Variants in TMEM63A observed in about 807,000 individuals in gnomAD.
TMEM63A encodes the protein mechanosensitive cation channel TMEM63A.
Under a neutral mutation model 100.6 loss-of-function variants are expected in TMEM63A, and 76 were observed. The ratio of observed to expected loss-of-function variants is 0.76; its 90% CI spans 0.63 to 0.91. TMEM63A has a LOEUF of 0.91. Among genes scored for constraint, TMEM63A ranks in the 40% least tolerant of loss-of-function variants. The pLI, the probability that TMEM63A is intolerant of heterozygous loss-of-function variation, is 0.00. For missense variants in TMEM63A, 876 were observed against 1,008.8 expected, an observed-to-expected ratio of 0.87 and a Z score of 1.78; for synonymous variants, 401 against 401.1, an observed-to-expected ratio of 1.00 and a Z score of 0.00.
chr1:225,847,264 C>T (rs1432001348), intron 23 of TMEM63A, 51 bp from the exon 24 acceptor site: 5 of 1,582,624 alleles, frequency 3.2e-6, no homozygotes, highest in African/African-American at 2.7e-5. Context: ...AGCTTCCACA[C>T]TGCATCCCTC....
intron 4 of TMEM63A, 88 bp downstream of exon 4, chr1:225,874,200 G>T: frequency 7.8e-7 from 1 of 1,283,754 alleles, no homozygotes; most frequent in Non-Finnish European, 1.1e-6. Context: ...ACACATATAT[G>T]CACACACGCA....
At chr1:225,856,212 G>A (rs1486219049) in intron 17 of TMEM63A, among the ~76,000 whole-genome samples, 7 of 151,548 alleles carry the variant, frequency 4.6e-5, no homozygotes, top group African/African-American at 1.5e-4. Flanking sequence ...ATGGGGTTTC[G>A]CCAGACTGCC....
chr1:225,854,935 G>C (rs1258060804), intron 18 of TMEM63A, among the ~76,000 whole-genome samples: 1 of 152,172 alleles, frequency 6.6e-6, no homozygotes, highest in African/African-American at 2.4e-5. Flanking sequence ...GAGGAGGAAG[G>C]CTCGGATAAA....
At chr1:225,869,425 A>G (rs1377131988) in intron 6 of TMEM63A, among the ~76,000 whole-genome samples, 1 of 152,176 alleles carries the variant, frequency 6.6e-6, no homozygotes, top group Non-Finnish European at 1.5e-5. Flanking sequence ...ACTGTCTCCC[A>G]TGGGGCTCTG....
At chr1:225,858,793 G>A (rs1182717979) in intron 15 of TMEM63A, among the ~76,000 whole-genome samples, 1 of 152,044 alleles carries the variant, frequency 6.6e-6, no homozygotes, top group Non-Finnish European at 1.5e-5. Context: ...CAGGAGCCCT[G>A]CATGGGTGCC....
Position 225,867,749 on chromosome 1 carries a change from G to T in TMEM63A, c.514+139C>A. The T allele has an allele frequency of 2.5e-6, 3 of 1,201,558 alleles. No homozygotes were observed. Among genetic ancestry groups the T allele is most frequent in the Non-Finnish European group, 3.4e-6 (3 of 876,510 alleles). 74.4% of individuals were successfully genotyped at this position (1,201,558 alleles called of 1,614,324 possible). ...TCCAGATCTTTAATCAGATAGAAAT[G>T]TTCAGAGTCACCCTGAGACCATCTT... On this transcript the variant is annotated intron_variant, in intron 7 of 24. Transcript: ENST00000366835. This position sits in a 1 kb window ranked among gnomAD's most constrained non-coding sequence, Gnocchi z 4.6.
Position 225,859,232 on chromosome 1 carries a change from G to A in TMEM63A, c.1341C>T (p.Asp447=). 6.2e-7 allele frequency: 1 copy of A among 1,614,086 alleles called. No homozygotes were observed. The highest frequency in any genetic ancestry group is 8.5e-7 in the Non-Finnish European group (1 of 1,180,020). ...GGATGGGTTTGGTGACATTAAACTTGTCCATGGTGGACAGGATGATGGAGG... is the reference window on the plus strand; with the variant it reads ...GGATGGGTTTGGTGACATTAAACTTATCCATGGTGGACAGGATGATGGAGG... ...TTPSIILSTM[D]KFNVTKPIHA... Residue 447 remains aspartate (D), a synonymous_variant, in exon 15 of 25, where the codon GAC becomes GAT. Coordinates refer to ENST00000366835, the MANE Select transcript of TMEM63A (RefSeq NM_014698.3).
chr1:225,847,124 G>A lies in TMEM63A; in HGVS notation c.2340C>T (p.Ile780=). The change falls in exon 24 of 25, where the codon ATC becomes ATT. Residue 780 remains isoleucine, a synonymous_variant. Coordinates refer to ENST00000366835, the MANE Select transcript of TMEM63A (RefSeq NM_014698.3). ...CAGGGATAGTCCCGCTGATGTTGTG[G>A]ATGGCACCATAGGTCTGCTGCTGCT... is the stretch of plus-strand genomic sequence containing the variant. ...QQQQQQTYGA[I]HNISGTIPGQ... The A allele has an allele frequency of 1.9e-6, 3 of 1,613,756 alleles. No homozygotes were observed. Among genetic ancestry groups the A allele is most frequent in the Non-Finnish European group, 2.5e-6 (3 of 1,179,954 alleles).
chr1:225,863,542 C>G (rs776630681), intron 10 of TMEM63A, among the ~76,000 whole-genome samples: 1 of 152,146 alleles, frequency 6.6e-6, no homozygotes, highest in Non-Finnish European at 1.5e-5. Context: ...ATTCAGGTAG[C>G]CTTTTTTAAG....
intron 16 of TMEM63A, 69 bp from the exon 17 acceptor site, chr1:225,856,807 C>T: frequency 6.3e-7 from 1 of 1,585,122 alleles, no homozygotes; most frequent in Non-Finnish European, 8.6e-7. Context: ...GAGGCCCCTG[C>T]CATGTGCCCA....
downstream of TMEM63A, among the ~76,000 whole-genome samples, chr1:225,842,815 C>T (rs1214178717): frequency 1.3e-5 from 2 of 152,224 alleles, no homozygotes; most frequent in Non-Finnish European, 2.9e-5. Flanking sequence ...TCCTGATTCC[C>T]TGGAGAGCCT....
intron 15 of TMEM63A, among the ~76,000 whole-genome samples, chr1:225,858,359 CTT>C (rs1457434691): frequency 8.1e-6 from 1 of 123,400 alleles, no homozygotes; most frequent in Non-Finnish European, 1.6e-5. Context: ...GAGTTTCGCT[CTT>C]GTCGCCCAGG....
Position 225,874,375 on chromosome 1 carries a change from CAG to C in TMEM63A, c.187-10_187-9del, listed in dbSNP as rs1338917471. The stretch of plus-strand genomic sequence containing the variant: ...AAACACCAAGATTAAGAACTAAAAA[CAG>C]AAAAGAAACCAAGTAAAAGCATATT... On this transcript the variant is annotated splice_polypyrimidine_tract_variant and intron_variant, in intron 3 of 24. Transcript: ENST00000366835. The C allele has an allele frequency of 6.2e-7, 1 of 1,611,498 alleles. No homozygotes were observed. The highest frequency in any genetic ancestry group is 8.5e-7 in the Non-Finnish European group (1 of 1,179,200).
At chr1:225,854,868 C>T (rs1466232683) in intron 18 of TMEM63A, among the ~76,000 whole-genome samples, 3 of 152,114 alleles carry the variant, frequency 2.0e-5, no homozygotes, top group African/African-American at 7.2e-5. Context: ...GGGAGAGAAC[C>T]CACCAAGGAG....
rs112844127 is a variant in TMEM63A, at chr1:225,881,942, C to G, written c.-206+362G>C. 9.9e-4 allele frequency among the ~76,000 whole-genome samples: 150 copies of G among 152,284 alleles called. 2 individuals are homozygous for G. Among genetic ancestry groups the G allele is most frequent in the African/African-American group, 3.4e-3 (141 of 41,552 alleles). ...TCGGACGCTTGGCCCTTTCCCAGCC[C>G]GGCCTCGTATAGGGTCCGAGGAGCC... On this transcript the variant is annotated intron_variant, in intron 1 of 24. Coordinates refer to ENST00000366835, the MANE Select transcript of TMEM63A (RefSeq NM_014698.3).
At chr1:225,842,455 G>A (rs779119688), downstream of TMEM63A, 15 of 1,613,512 alleles carry the variant, frequency 9.3e-6, no homozygotes, top group East Asian at 3.3e-4. Flanking sequence ...CCGATACCTG[G>A]AGGATGGAGG....
At chr1:225,881,167 C>A (rs1671068046) in intron 1 of TMEM63A, among the ~76,000 whole-genome samples, 1 of 152,238 alleles carries the variant, frequency 6.6e-6, no homozygotes, top group Non-Finnish European at 1.5e-5. Context: ...AATGACACAG[C>A]CCCTGGCTGA....
At chr1:225,847,681 A>G (rs1160620823) in intron 23 of TMEM63A, among the ~76,000 whole-genome samples, 6 of 151,994 alleles carry the variant, frequency 3.9e-5, no homozygotes, top group African/African-American at 1.5e-4. Context: ...TCCTCCTGAG[A>G]CCCTGGCTGT....
rs1443972019 is a variant in TMEM63A at position 225,851,167 on chromosome 1, C to CT, written c.1904-1089dup. Among the ~76,000 whole-genome samples, 3 of 152,104 alleles carry CT rather than the reference C, an allele frequency of 2.0e-5. No individual in the cohort carries two copies. In the East Asian group the frequency reaches 5.8e-4, roughly 29 times the overall value. ...ACAGTTGGATGCCTGGCCTCAATTCCTCCCCAGCCCTTCCCATGCTGAGCC... is the reference window on the plus strand; with the variant it reads ...ACAGTTGGATGCCTGGCCTCAATTCCTTCCCCAGCCCTTCCCATGCTGAGCC... On this transcript the variant is annotated intron_variant, in intron 20 of 24. Transcript: ENST00000366835.
Sources: gnomAD v4.1 joint callset for allele counts (sites outside exome capture counted in the v4.1 genomes callset) on GRCh38, gnomAD v4.1.1 for gene constraint, Gnocchi (gnomAD v3.1) non-coding constraint, MANE v1.5 for transcripts, NCBI Gene and HGNC (gene_info 2026-07-23, HGNC 2026-07-21) for gene names.